RARB: variants seen among roughly 807,000 people sequenced by gnomAD.
RARB encodes HBV-activated protein.
Under a neutral mutation model 51.9 loss-of-function variants are expected in RARB, and 17 were observed. The ratio of observed to expected loss-of-function variants is 0.33; its 90% CI spans 0.22 to 0.49. The LOEUF (loss-of-function observed/expected upper bound fraction) is 0.49. Among genes scored for constraint, RARB ranks in the 20% least tolerant of loss-of-function variants. The pLI is 0.99. For synonymous variants in RARB, 215 were observed against 195.4 expected, an observed-to-expected ratio of 1.10 and a Z score of -0.84; for missense variants, 369 against 550.8, an observed-to-expected ratio of 0.67 and a Z score of 3.30.
chr3:24,891,134 A>G (rs1703369809), intron 2 of RARB, among the ~76,000 whole-genome samples: 1 of 152,210 alleles, frequency 6.6e-6, no homozygotes. Context: ...TCCCAAATGT[A>G]AAAAGTAATC....
rs140428758 is a variant in RARB, at chr3:25,265,357, T to C, written c.178+90782T>C. On this transcript the variant is annotated intron_variant, in intron 5 of 11. Coordinates refer to the RARB transcript ENST00000383772. ...TAGATGTTGATAAATACATACATAATTGCCCTCCAAAAATATTTGTATCAA... is the reference window on the plus strand; with the variant it reads ...TAGATGTTGATAAATACATACATAACTGCCCTCCAAAAATATTTGTATCAA... Among the ~76,000 whole-genome samples the C allele has an allele frequency of 2.2e-3, 332 of 152,324 alleles. 1 individual carries two copies. Among genetic ancestry groups the C allele is most frequent in the African/African-American group, 7.7e-3 (322 of 41,576 alleles).
At chr3:24,863,902 G>A (rs969193484) in intron 2 of RARB, among the ~76,000 whole-genome samples, 1 of 151,754 alleles carries the variant, frequency 6.6e-6, no homozygotes, top group Admixed American at 6.6e-5. Context: ...TGTGAGGATG[G>A]AGGCATACCT....
chr3:25,564,807 G>A (rs1184899604), intron 3 of RARB, among the ~76,000 whole-genome samples: 1 of 152,096 alleles, frequency 6.6e-6, no homozygotes, highest in Non-Finnish European at 1.5e-5. Context: ...TCCCAGAGGT[G>A]CACCGTACCT....
intron 5 of RARB, among the ~76,000 whole-genome samples, chr3:25,234,018 G>T (rs1215247867): frequency 6.6e-6 from 1 of 151,930 alleles, no homozygotes; most frequent in African/African-American, 2.4e-5. Context: ...ATAGTGGTCT[G>T]CAGCTCTCTT....
intron 2 of RARB, among the ~76,000 whole-genome samples, chr3:24,971,296 C>T (rs115365900): frequency 6.6e-6 from 1 of 151,892 alleles, no homozygotes; most frequent in Non-Finnish European, 1.5e-5. Flanking sequence ...GTCATTTAAT[C>T]CTTAGCTATT....
intron 5 of RARB, among the ~76,000 whole-genome samples, chr3:25,401,669 C>T (rs79753697): frequency 0.014 from 2,115 of 152,216 alleles, 54 homozygotes; most frequent in African/African-American, 0.048. Flanking sequence ...CACAGAAGAA[C>T]GGATTAGTGA....
At chr3:24,849,210 T>TA (rs977618110) in intron 1 of RARB, among the ~76,000 whole-genome samples, 12 of 152,162 alleles carry the variant, frequency 7.9e-5, no homozygotes, top group African/African-American at 1.9e-4. Context: ...CAATATACTG[T>TA]AAAAAAAAGT....
At chr3:24,986,438 A>G (rs1696796170) in intron 2 of RARB, among the ~76,000 whole-genome samples, 1 of 152,230 alleles carries the variant, frequency 6.6e-6, no homozygotes, top group African/African-American at 2.4e-5. Context: ...TTCCACTTGT[A>G]TGGTAAATTC....
intron 5 of RARB, among the ~76,000 whole-genome samples, chr3:25,177,054 A>G (rs796132420): frequency 2.0e-5 from 3 of 152,340 alleles, no homozygotes; most frequent in African/African-American, 4.8e-5. Flanking sequence ...AGGACTAGGT[A>G]CAGAAAGTTC....
chr3:25,131,497 T>C (rs1699953720), intron 3 of RARB, among the ~76,000 whole-genome samples: 1 of 152,176 alleles, frequency 6.6e-6, no homozygotes, highest in South Asian at 2.1e-4. Context: ...ATCATGGCAG[T>C]GTTTATGTTG....
chr3:25,483,451 A>G (rs1207653409), intron 2 of RARB, among the ~76,000 whole-genome samples: 1 of 151,808 alleles, frequency 6.6e-6, no homozygotes, highest in Non-Finnish European at 1.5e-5. Context: ...ATTCCATTTG[A>G]GTGACTTAAG....
At chr3:24,879,518 A>T (rs1411675407) in intron 2 of RARB, among the ~76,000 whole-genome samples, 2 of 125,478 alleles carry the variant, frequency 1.6e-5, no homozygotes, top group Non-Finnish European at 3.2e-5. Flanking sequence ...ACCTGGGAGG[A>T]TTAACAATCA....
chr3:25,361,028 T>C (rs1705916846), intron 5 of RARB, among the ~76,000 whole-genome samples: 1 of 152,228 alleles, frequency 6.6e-6, no homozygotes, highest in Admixed American at 6.5e-5. Flanking sequence ...TTGGCCTACC[T>C]TGCTGGGTTG....
rs140970899 is a variant in RARB at position 25,035,421 on chromosome 3, CTTTTTTTT to C, written c.-379-24685_-379-24678del. 8.5e-3 allele frequency among the ~76,000 whole-genome samples: 1,039 copies of C among 121,624 alleles called. 16 individuals are homozygous for C. Among genetic ancestry groups the C allele is most frequent in the African/African-American group, 0.032 (924 of 28,460 alleles). The allele number at this position is 121,624 out of a possible 152,430, so 79.8% of individuals were successfully genotyped here. A position where few individuals can be genotyped will look rare whatever the true frequency, so the allele number is the denominator to read the frequency against. ...ACAGTTGTGAGCCGCTGCGTCCAGCCTTTTTTTTTTTTTTTTTTTTTTTTTTCTCTCAA... is the reference window on the plus strand; with the variant it reads ...ACAGTTGTGAGCCGCTGCGTCCAGCCTTTTTTTTTTTTTTTTTTCTCTCAA... On this transcript the variant is annotated intron_variant, in intron 2 of 11. Coordinates refer to the RARB transcript ENST00000383772.
At chr3:25,592,944 G>C (rs1382976534) in intron 5 of RARB, among the ~76,000 whole-genome samples, 1 of 152,156 alleles carries the variant, frequency 6.6e-6, no homozygotes, top group Non-Finnish European at 1.5e-5. Context: ...ACTTGGGTTT[G>C]AGTCAGATTC....
At chr3:25,294,040 G>C (rs945597638) in intron 5 of RARB, among the ~76,000 whole-genome samples, 8 of 152,156 alleles carry the variant, frequency 5.3e-5, no homozygotes, top group Non-Finnish European at 1.5e-5. Flanking sequence ...AGGAGGTAAG[G>C]AGGGGATGTT....
chr3:25,048,504 G>GT (rs1559447019), intron 2 of RARB, among the ~76,000 whole-genome samples: 1 of 152,056 alleles, frequency 6.6e-6, no homozygotes, highest in African/African-American at 2.4e-5. Flanking sequence ...CATTATACAG[G>GT]TTTGCTTATA....
chr3:24,959,817 G>A (rs1696099693), intron 2 of RARB, among the ~76,000 whole-genome samples: 1 of 152,196 alleles, frequency 6.6e-6, no homozygotes. Context: ...GGAAGGAGAA[G>A]CACCTAATCT....
At chr3:24,935,748 ATTGT>A (rs1695535460) in intron 2 of RARB, among the ~76,000 whole-genome samples, 1 of 152,114 alleles carries the variant, frequency 6.6e-6, no homozygotes, top group South Asian at 2.1e-4. Flanking sequence ...CAAAAATTGG[ATTGT>A]TTGTTTTCAC....
Sources: gnomAD v4.1 joint callset for allele counts (sites outside exome capture counted in the v4.1 genomes callset) on GRCh38, gnomAD v4.1.1 for gene constraint, MANE v1.5 for transcripts, NCBI Gene and HGNC (gene_info 2026-07-23, HGNC 2026-07-21) for gene names.